Variants in RRH observed in about 807,000 individuals in gnomAD.
The protein encoded by RRH is retinal pigment epithelium-derived rhodopsin homolog, also known as visual pigment-like receptor peropsin.
RRH carries 36 observed loss-of-function variants against 33.1 expected under a neutral mutation model. That is an observed-to-expected ratio of 1.09 (90% CI 0.83 to 1.44). RRH has a LOEUF of 1.44. Among genes scored for constraint, RRH ranks in the 40% most tolerant of loss-of-function variants. The pLI is 0.00. For synonymous variants in RRH, 124 were observed against 140.2 expected (o/e 0.88, Z 0.82); for missense variants, 393 against 420.2 (o/e 0.94, Z 0.57).
intron 1 of RRH, among the ~76,000 whole-genome samples, chr4:109,830,214 T>C (rs1040487387): frequency 2.0e-5 from 3 of 152,040 alleles, no homozygotes; most frequent in Non-Finnish European, 2.9e-5. Context: ...AATAAATCAT[T>C]ATGTTTGAAC....
rs1287231787 is a variant in RRH, at chr4:109,836,121, C to T, written c.512C>T (p.Thr171Ile). The T allele has an allele frequency of 1.2e-6, 2 of 1,614,204 alleles. No homozygotes were observed. Among genetic ancestry groups the T allele is most frequent in the South Asian group, 1.1e-5 (1 of 91,086 alleles). ...TGGGCTAGTTATGCCCCAGATCCTA[C>T]TGGTGCTACGTGTACCATAAACTGG... ...IGWASYAPDP[T>I]GATCTINWRK... Residue 171 changes from threonine to isoleucine, a missense_variant, in exon 4 of 7, where the codon ACT becomes ATT. Coordinates refer to ENST00000317735, the MANE Select transcript of RRH (RefSeq NM_006583.5).
intron 1 of RRH, 69 bp downstream of exon 1, chr4:109,828,202 G>A: frequency 9.5e-7 from 1 of 1,056,078 alleles, no homozygotes; most frequent in Non-Finnish European, 1.5e-6. Flanking sequence ...TCAGCATAAG[G>A]CATGCATTGT....
intron 2 of RRH, among the ~76,000 whole-genome samples, chr4:109,834,594 C>T (rs1733840231): frequency 6.6e-6 from 1 of 151,160 alleles, no homozygotes; most frequent in African/African-American, 2.4e-5. Flanking sequence ...CCTCCCACCT[C>T]GGCCTCCCAA....
chr4:109,837,577 A>G lies in RRH; in HGVS notation c.692A>G (p.Asp231Gly), dbSNP rs904253803. 1 of 1,613,926 alleles carries G rather than the reference A, an allele frequency of 6.2e-7. No homozygotes were observed. The highest frequency in any genetic ancestry group is 8.5e-7 in the Non-Finnish European group (1 of 1,179,924). Residue 231 changes from aspartate (D) to glycine (G), a missense_variant, in exon 5 of 7, where the codon GAC becomes GGC. By Grantham distance (94) the Asp-to-Gly change is moderately conservative (BLOSUM62 -1). Transcript: ENST00000317735. ...GACTGCACTGAGTCCCTCAACAGAGACTGGTCAGATCAGATAGATGTAACA... is the reference window on the plus strand; with the variant it reads ...GACTGCACTGAGTCCCTCAACAGAGGCTGGTCAGATCAGATAGATGTAACA... The part of the protein sequence containing the change: ...TSDCTESLNR[D>G]WSDQIDVTKM...
chr4:109,835,947 T>C (rs1287830335), intron 3 of RRH, 60 bp from the exon 4 acceptor site: 2 of 1,603,048 alleles, frequency 1.2e-6, no homozygotes, highest in African/African-American at 2.7e-5. Flanking sequence ...ATCAAGCAAG[T>C]TTAAAAAGTG....
chr4:109,829,586 C>G (rs1294142661), intron 1 of RRH, among the ~76,000 whole-genome samples: 1 of 151,962 alleles, frequency 6.6e-6, no homozygotes, highest in Non-Finnish European at 1.5e-5. Context: ...TGCTATATAC[C>G]AAGCACTGTT....
Position 109,834,488 on chromosome 4 carries a change from C to A in RRH, c.298-878C>A, listed in dbSNP as rs1045187213. ...GGGACTACAGGTGCCTGCCACCAAG[C>A]CTGGCTAATTTTTTTTTTTGTATTT... On this transcript the variant is annotated intron_variant, in intron 2 of 6. Coordinates refer to ENST00000317735, the MANE Select transcript of RRH (RefSeq NM_006583.5). 3.8e-5 allele frequency among the ~76,000 whole-genome samples: 5 copies of A among 131,840 alleles called. No individual in the cohort carries two copies. In the Admixed American group the frequency reaches 4.3e-4, roughly 11 times the overall value. 86.5% of individuals were successfully genotyped at this position (131,840 alleles called of 152,430 possible).
intron 5 of RRH, 35 bp downstream of exon 5, chr4:109,837,640 TG>T: frequency 7.0e-6 from 11 of 1,574,964 alleles, no homozygotes; most frequent in Non-Finnish European, 9.6e-6. Flanking sequence ...ATTGTTGTCA[TG>T]GAGCTTTTAC....
intron 5 of RRH, 27 bp downstream of exon 5, chr4:109,837,632 T>C: frequency 6.3e-7 from 1 of 1,597,146 alleles, no homozygotes; most frequent in South Asian, 1.1e-5. Context: ...CTTGAAAAAT[T>C]GTTGTCATGG....
At chr4:109,838,269 A>C (rs184115900) in intron 5 of RRH, among the ~76,000 whole-genome samples, 1 of 152,268 alleles carries the variant, frequency 6.6e-6, no homozygotes, top group Admixed American at 6.5e-5. Flanking sequence ...TGGTTAGATA[A>C]AGAGGCTCTT....
chr4:109,843,134 C>T (rs1228950129), intron 6 of RRH, among the ~76,000 whole-genome samples: 1 of 152,146 alleles, frequency 6.6e-6, no homozygotes, highest in Non-Finnish European at 1.5e-5. Context: ...AAGTTTAGTC[C>T]CAACATAAAA....
In RRH at chr4:109,835,420, G is replaced by A; in HGVS notation, c.352G>A (p.Val118Ile). The A allele has an allele frequency of 6.2e-7, 1 of 1,614,092 alleles. No individual in the cohort carries two copies. The highest frequency in any genetic ancestry group is 1.1e-5 in the South Asian group (1 of 91,082). ...FGMASIGLLT[V>I]VAVDRYLTIC... ...AATGGCAAGCATTGGATTACTCACGGTCGTGGCTGTGGACCGATACCTGAC... is the reference window on the plus strand; with the variant it reads ...AATGGCAAGCATTGGATTACTCACGATCGTGGCTGTGGACCGATACCTGAC... The change falls in exon 3 of 7, where the codon GTC becomes ATC. Residue 118 changes from valine (V) to isoleucine (I), a missense_variant. Coordinates refer to ENST00000317735, the MANE Select transcript of RRH (RefSeq NM_006583.5).
intron 1 of RRH, among the ~76,000 whole-genome samples, chr4:109,828,586 G>A (rs1398894035): frequency 6.6e-6 from 1 of 151,588 alleles, no homozygotes; most frequent in Non-Finnish European, 1.5e-5. Context: ...TGTTCTTGGT[G>A]GTAGAATTTA....
intron 5 of RRH, among the ~76,000 whole-genome samples, chr4:109,840,187 G>T (rs1024654958): frequency 6.6e-6 from 1 of 150,608 alleles, no homozygotes; most frequent in Admixed American, 6.6e-5. Flanking sequence ...GTATCTCATT[G>T]TGGTTTTGAT....
intron 4 of RRH, among the ~76,000 whole-genome samples, chr4:109,837,203 C>T (rs746373892): frequency 6.6e-6 from 1 of 152,172 alleles, no homozygotes; most frequent in Non-Finnish European, 1.5e-5. Flanking sequence ...AATGAGGGTA[C>T]ATGGCTGTGT....
At position 109,836,071 on chromosome 4, in the gene RRH, T is replaced by C. The variant is rs745759705; in HGVS notation, c.462T>C (p.Phe154=). 1.1e-5 allele frequency: 17 copies of C among 1,614,064 alleles called. No homozygotes were observed. The highest frequency in any genetic ancestry group is 1.4e-5 in the Non-Finnish European group (16 of 1,180,016). The change falls in exon 4 of 7, where the codon TTT becomes TTC. Residue 154 remains phenylalanine, a synonymous_variant. Transcript: ENST00000317735. Reference sequence around the variant, plus strand: ...TGGGAGCCTGGATCAATGGCCTGTTTTGGGCTTTGATGCCTATCATAGGGT... The same window carrying C: ...TGGGAGCCTGGATCAATGGCCTGTTCTGGGCTTTGATGCCTATCATAGGGT... ...LILGAWINGL[F]WALMPIIGWA...
chr4:109,838,731 C>T (rs1733934529), intron 5 of RRH, among the ~76,000 whole-genome samples: 2 of 152,322 alleles, frequency 1.3e-5, no homozygotes, highest in South Asian at 4.2e-4. Context: ...TAGCTTCCAG[C>T]ATTGCTACTA....
intron 6 of RRH, among the ~76,000 whole-genome samples, chr4:109,842,922 C>T (rs1192263411): frequency 6.6e-6 from 1 of 152,154 alleles, no homozygotes; most frequent in Non-Finnish European, 1.5e-5. Context: ...TCAGATGGCT[C>T]TCTGGCAGAA....
intron 2 of RRH, 150 bp downstream of exon 2, chr4:109,833,479 A>G (rs572391618): frequency 3.1e-6 from 2 of 651,602 alleles, no homozygotes; most frequent in East Asian, 2.8e-5. Context: ...GACTAGGAAT[A>G]TATTCTTTAA....
Sources: gnomAD v4.1 joint callset for allele counts (sites outside exome capture counted in the v4.1 genomes callset) on GRCh38, gnomAD v4.1.1 for gene constraint, MANE v1.5 for transcripts, NCBI Gene and HGNC (gene_info 2026-07-23, HGNC 2026-07-21) for gene names.